Variants in ARHGAP32 observed in about 807,000 individuals in gnomAD.
The protein encoded by ARHGAP32 is Rho GTPase activating protein 32, also known as rho GTPase-activating protein 32.
In ARHGAP32, 51 loss-of-function variants were observed where a neutral mutation model predicts 186.5. The ratio of observed to expected loss-of-function variants is 0.27; its 90% confidence interval spans 0.22 to 0.35. The LOEUF (loss-of-function observed/expected upper bound fraction) is 0.35. Among genes scored for constraint, ARHGAP32 ranks in the 10% least tolerant of loss-of-function variants. ARHGAP32 has a pLI of 1.00. For synonymous variants in ARHGAP32, 950 were observed against 964.3 expected (o/e 0.99, Z 0.27); for missense variants, 2,186 against 2,623.5 (o/e 0.83, Z 3.64).
intron 1 of ARHGAP32, among the ~76,000 whole-genome samples, chr11:129,239,823 T>C (rs2135663649): frequency 6.6e-6 from 1 of 152,216 alleles, no homozygotes; most frequent in Non-Finnish European, 1.5e-5. Context: ...CCAACTCAAA[T>C]GCCACTCTCA....
At chr11:129,278,969 C>G (rs1191240451) in intron 1 of ARHGAP32, among the ~76,000 whole-genome samples, 1 of 145,318 alleles carries the variant, frequency 6.9e-6, no homozygotes, top group East Asian at 2.0e-4. Context: ...CCCGGGAGGC[C>G]GGGGAGATGG....
rs751825311 is a variant in ARHGAP32 at position 128,981,498 on chromosome 11, C to A, written c.1698G>T (p.Gln566His). 6.2e-7 allele frequency: 1 copy of A among 1,614,112 alleles called. No homozygotes were observed. Among genetic ancestry groups the A allele is most frequent in the Non-Finnish European group, 8.5e-7 (1 of 1,179,982 alleles). The change falls in exon 17 of 23, where the codon CAG becomes CAT. Residue 566 changes from glutamine to histidine, a missense_variant. By Grantham distance (24) the Gln-to-His change is conservative. Around this residue, in one of 5 missense-constraint regions of ARHGAP32, gnomAD observed 308 missense variants for 596.5 expected, o/e 0.52. Coordinates refer to ENST00000682385, the MANE Select transcript of ARHGAP32 (RefSeq NM_001378024.1). The part of the protein sequence containing the change: ...GTAAFMEVRI[Q>H]SVVVEFILNH... ...TCAGGATGAACTCAACAACCACAGA[C>A]TGAATCCTCACTTCCATGAAAGCTG...
chr11:129,134,817 G>A (rs188115934), intron 2 of ARHGAP32, among the ~76,000 whole-genome samples: 59 of 152,290 alleles, frequency 3.9e-4, no homozygotes, highest in Middle Eastern at 6.8e-3. Context: ...GTGGGAGCCT[G>A]TTTTGTCTTC....
rs1945259421 is a variant in ARHGAP32 at position 128,968,067 on chromosome 11, T to G, written c.*840A>C. On this transcript the variant is annotated 3_prime_UTR_variant, in exon 23 of 23. Coordinates refer to ENST00000682385, the MANE Select transcript of ARHGAP32 (RefSeq NM_001378024.1). ...GAAAACCTGAAGGCAGGCAATGCAT[T>G]AAAAGCATCAATAGAGATTTCTGGT... 6.6e-6 allele frequency: 1 copy of G among 151,850 alleles called. No homozygotes were observed. Among genetic ancestry groups the G allele is most frequent in the African/African-American group, 2.4e-5 (1 of 41,346 alleles). 9.4% of individuals were successfully genotyped at this position (151,850 alleles called of 1,614,324 possible).
intron 1 of ARHGAP32, among the ~76,000 whole-genome samples, chr11:129,274,712 G>A (rs917339746): frequency 2.6e-5 from 4 of 151,870 alleles, no homozygotes; most frequent in Non-Finnish European, 5.9e-5. Context: ...AAAAAGCAGT[G>A]TAATATAAAA....
chr11:129,156,860 G>A (rs1467181191), intron 2 of ARHGAP32, among the ~76,000 whole-genome samples: 1 of 152,182 alleles, frequency 6.6e-6, no homozygotes, highest in African/African-American at 2.4e-5. Context: ...GCCCCTCTGG[G>A]ACGAAGCTTC....
chr11:129,010,439 GT>G (rs1249824132), intron 11 of ARHGAP32, among the ~76,000 whole-genome samples: 3 of 152,162 alleles, frequency 2.0e-5, no homozygotes, highest in Non-Finnish European at 4.4e-5. Flanking sequence ...TTACATTTAA[GT>G]TTTTAATCCA....
chr11:129,097,056 A>G (rs978461922), intron 5 of ARHGAP32, among the ~76,000 whole-genome samples: 1 of 152,196 alleles, frequency 6.6e-6, no homozygotes, highest in East Asian at 1.9e-4. Flanking sequence ...CCTGGGGAAG[A>G]AGGAGAATCT....
At chr11:129,085,028 AT>A (rs759809416) in intron 6 of ARHGAP32, among the ~76,000 whole-genome samples, 197 of 145,506 alleles carry the variant, frequency 1.4e-3, no homozygotes, top group Admixed American at 1.6e-3. Context: ...TGGTTTTATT[AT>A]TTTTTTTTTT....
intron 5 of ARHGAP32, among the ~76,000 whole-genome samples, chr11:129,104,339 T>C (rs1181275728): frequency 2.0e-5 from 3 of 152,096 alleles, no homozygotes; most frequent in African/African-American, 7.2e-5. Flanking sequence ...AGAATTATCA[T>C]CCTGAACAAC....
At chr11:129,212,329 A>C (rs1944591511) in intron 1 of ARHGAP32, among the ~76,000 whole-genome samples, 1 of 152,174 alleles carries the variant, frequency 6.6e-6, no homozygotes, top group Non-Finnish European at 1.5e-5. Flanking sequence ...TTTTCCAACT[A>C]GTTGCCTAAT....
At chr11:129,251,323 C>T (rs182002923) in intron 1 of ARHGAP32, among the ~76,000 whole-genome samples, 1 of 152,260 alleles carries the variant, frequency 6.6e-6, no homozygotes, top group Admixed American at 6.5e-5. Context: ...ATTTCCATCA[C>T]CCTACATCAC....
intron 6 of ARHGAP32, among the ~76,000 whole-genome samples, chr11:129,084,891 TC>T (rs1007443971): frequency 3.3e-5 from 5 of 151,994 alleles, no homozygotes; most frequent in African/African-American, 1.2e-4. Context: ...ATACAGAAAA[TC>T]AAAAGAACTG....
At chr11:129,074,276 T>C (rs1186016672) in intron 6 of ARHGAP32, among the ~76,000 whole-genome samples, 1 of 151,806 alleles carries the variant, frequency 6.6e-6, no homozygotes, top group South Asian at 2.1e-4. Flanking sequence ...GTGTTTTACA[T>C]ATATATGTGT....
chr11:129,015,831 A>G (rs982689754), intron 11 of ARHGAP32, among the ~76,000 whole-genome samples: 2 of 152,210 alleles, frequency 1.3e-5, no homozygotes, highest in African/African-American at 4.8e-5. Flanking sequence ...AGAGTTTACA[A>G]GTGTTTGTTC....
At chr11:129,171,063 A>G (rs941836889) in intron 1 of ARHGAP32, among the ~76,000 whole-genome samples, 1 of 152,118 alleles carries the variant, frequency 6.6e-6, no homozygotes, top group African/African-American at 2.4e-5. Context: ...TAAATGCTGG[A>G]TATTAGACCT....
intron 1 of ARHGAP32, among the ~76,000 whole-genome samples, chr11:129,201,899 C>A (rs180687126): frequency 6.6e-6 from 1 of 152,236 alleles, no homozygotes; most frequent in Admixed American, 6.5e-5. Context: ...GGGAGGATCG[C>A]TTGAGCACAG....
chr11:129,225,143 T>C (rs10894001), intron 1 of ARHGAP32, among the ~76,000 whole-genome samples: 43,533 of 151,974 alleles, frequency 0.29, 6,568 homozygotes, highest in Middle Eastern at 0.4. Context: ...TTATTTAATG[T>C]TGTGGCTGCC....
At chr11:128,994,676 A>G (rs1350024696) in intron 12 of ARHGAP32, among the ~76,000 whole-genome samples, 1 of 152,188 alleles carries the variant, frequency 6.6e-6, no homozygotes, top group African/African-American at 2.4e-5. Flanking sequence ...CATTAAATCA[A>G]AGACAAACTA....
Sources: allele counts gnomAD v4.1 joint callset (sites outside exome capture counted in the v4.1 genomes callset), GRCh38; gene constraint gnomAD v4.1.1; regional missense constraint gnomAD v4.1.1; transcripts MANE v1.5; gene names NCBI Gene and HGNC (gene_info 2026-07-23, HGNC 2026-07-21).